OR2L13: variants seen among roughly 807,000 people sequenced by gnomAD.
The protein encoded by OR2L13 is olfactory receptor family 2 subfamily L member 13, also known as olfactory receptor 2L13.
A neutral mutation model predicts 15.3 loss-of-function variants in OR2L13; 14 were observed. The ratio of observed to expected loss-of-function variants is 0.91; its 90% CI spans 0.60 to 1.43. OR2L13 has a LOEUF of 1.43. Among genes scored for constraint, OR2L13 ranks in the 40% most tolerant of loss-of-function variants. The pLI is 0.00. For missense variants in OR2L13, 367 were observed against 387.9 expected, an observed-to-expected ratio of 0.95 and a Z score of 0.45; for synonymous variants, 152 against 142.9, an observed-to-expected ratio of 1.06 and a Z score of -0.45.
At chr1:248,049,420 A>T in the OR2L13 span, among the ~76,000 whole-genome samples, 1 of 152,204 alleles carries the variant, frequency 6.6e-6, no homozygotes, top group Admixed American at 6.5e-5. Flanking sequence ...TATTACGTTG[A>T]ATATGTACAT....
At chr1:247,966,258 TA>T in the OR2L13 span, 1 of 1,613,258 alleles carries the variant, frequency 6.2e-7, no homozygotes. Context: ...GCCTGAGAAA[TA>T]AGGAAGTGAC....
chr1:248,075,116 T>C, the OR2L13 span, among the ~76,000 whole-genome samples: 3 of 151,962 alleles, frequency 2.0e-5, no homozygotes, highest in Non-Finnish European at 4.4e-5. Flanking sequence ...AGTGAGAACA[T>C]GCAGTATTTG....
the OR2L13 span, among the ~76,000 whole-genome samples, chr1:248,051,524 G>A: frequency 6.6e-6 from 1 of 152,142 alleles, no homozygotes; most frequent in Non-Finnish European, 1.5e-5. Context: ...ATAATTGGGA[G>A]CTAAGCATTG....
chr1:248,022,380 A>G, the OR2L13 span: 5 of 1,614,068 alleles, frequency 3.1e-6, no homozygotes, highest in African/African-American at 5.3e-5. Flanking sequence ...GCTGATGATA[A>G]CAGGATCTTG....
the OR2L13 span, among the ~76,000 whole-genome samples, chr1:248,077,257 A>G: frequency 6.6e-6 from 1 of 152,158 alleles, no homozygotes; most frequent in African/African-American, 2.4e-5. Flanking sequence ...TATTTTACTG[A>G]GGATTTTCGT....
At chr1:248,088,343 C>G in the OR2L13 span, among the ~76,000 whole-genome samples, 2 of 152,036 alleles carry the variant, frequency 1.3e-5, no homozygotes, top group East Asian at 3.9e-4. Flanking sequence ...AATCAATTCC[C>G]AACTTTACAT....
the OR2L13 span, among the ~76,000 whole-genome samples, chr1:247,945,943 TA>T: frequency 6.6e-6 from 1 of 152,160 alleles, no homozygotes. Context: ...TGACTTTGGG[TA>T]TTGTTGACAT....
upstream of OR2L13, among the ~76,000 whole-genome samples, chr1:248,091,179 T>C (rs73129413): frequency 1.9e-3 from 293 of 152,284 alleles, no homozygotes; most frequent in African/African-American, 6.9e-3. Context: ...AGATTTTGGA[T>C]AGTAAACTTT....
At chr1:247,989,216 T>C in the OR2L13 span, among the ~76,000 whole-genome samples, 2 of 152,138 alleles carry the variant, frequency 1.3e-5, no homozygotes, top group Admixed American at 1.3e-4. Flanking sequence ...CATTTCTAAA[T>C]AGAAGAACCA....
the OR2L13 span, chr1:247,965,141 A>T: frequency 1.5e-5 from 7 of 477,336 alleles, no homozygotes; most frequent in East Asian, 1.8e-4. Flanking sequence ...CTGTCTATAC[A>T]TTAGGTAATT....
chr1:247,986,515 C>G, the OR2L13 span, among the ~76,000 whole-genome samples: 549 of 152,188 alleles, frequency 3.6e-3, 2 homozygotes, highest in African/African-American at 0.013. Flanking sequence ...GTTACTGTAG[C>G]CTTGTAGTAT....
the OR2L13 span, among the ~76,000 whole-genome samples, chr1:247,961,574 A>G: frequency 6.6e-6 from 1 of 152,186 alleles, no homozygotes; most frequent in African/African-American, 2.4e-5. Flanking sequence ...TGGACCATGG[A>G]TAATATACAA....
At chr1:247,958,565 G>T in the OR2L13 span, among the ~76,000 whole-genome samples, 1 of 152,134 alleles carries the variant, frequency 6.6e-6, no homozygotes, top group African/African-American at 2.4e-5. Context: ...CATTATTATT[G>T]TGTGGGAGTC....
At chr1:247,940,411 T>A in the OR2L13 span, among the ~76,000 whole-genome samples, 5 of 152,242 alleles carry the variant, frequency 3.3e-5, no homozygotes, top group African/African-American at 4.8e-5. Flanking sequence ...AAGTTAATTT[T>A]ATCAAGTTAA....
exon 3 of OR2L13, chr1:248,099,592 A>G (rs910082926): frequency 1.2e-5 from 19 of 1,613,846 alleles, no homozygotes; most frequent in Non-Finnish European, 1.5e-5. Context: ...CCTGATGTAC[A>G]TCTCCACCAC....
At chr1:248,088,543 A>G in the OR2L13 span, among the ~76,000 whole-genome samples, 5 of 152,186 alleles carry the variant, frequency 3.3e-5, no homozygotes, top group African/African-American at 1.2e-4. Context: ...GGCCCATAGT[A>G]TATTCTCCAT....
At chr1:248,065,235 T>C in the OR2L13 span, among the ~76,000 whole-genome samples, 1 of 152,172 alleles carries the variant, frequency 6.6e-6, no homozygotes, top group Non-Finnish European at 1.5e-5. Context: ...TCACAGTCAT[T>C]CTTTAATTCT....
chr1:248,032,912 A>AT, the OR2L13 span, among the ~76,000 whole-genome samples: 5 of 152,188 alleles, frequency 3.3e-5, no homozygotes, highest in African/African-American at 9.7e-5. Flanking sequence ...TTTTGAAGAA[A>AT]TTACTATACA....
At chr1:247,969,708 CTTTT>C in the OR2L13 span, among the ~76,000 whole-genome samples, 1 of 152,096 alleles carries the variant, frequency 6.6e-6, no homozygotes, top group Non-Finnish European at 1.5e-5. Flanking sequence ...ATTTGGTAAT[CTTTT>C]TTCTCCTAAA....
Sources: gnomAD v4.1 joint callset for allele counts (sites outside exome capture counted in the v4.1 genomes callset) on GRCh38, gnomAD v4.1.1 for gene constraint, MANE v1.5 for transcripts, NCBI Gene and HGNC (gene_info 2026-07-23, HGNC 2026-07-21) for gene names.